STXBP5L: variants seen among roughly 807,000 people sequenced by gnomAD.
The protein encoded by STXBP5L is syntaxin binding protein 5L.
A neutral mutation model predicts 144.5 loss-of-function variants in STXBP5L; 65 were observed. The observed-to-expected ratio is 0.45, with a 90% CI of 0.37 to 0.55. The LOEUF is 0.55. Ranked by LOEUF, STXBP5L falls within the 20% of genes least tolerant of loss-of-function variation. The pLI is 0.00. For synonymous variants in STXBP5L, 505 were observed against 469.6 expected, an observed-to-expected ratio of 1.08 and a Z score of -0.97; for missense variants, 1,298 against 1,405.5, an observed-to-expected ratio of 0.92 and a Z score of 1.22.
At chr3:120,943,565 G>A (rs953582615) in intron 2 of STXBP5L, among the ~76,000 whole-genome samples, 1 of 151,624 alleles carries the variant, frequency 6.6e-6, no homozygotes, top group African/African-American at 2.4e-5. Context: ...GTTTATCATT[G>A]TTTGAATATA....
chr3:120,974,616 A>C (rs549068427), intron 3 of STXBP5L, among the ~76,000 whole-genome samples: 28 of 152,216 alleles, frequency 1.8e-4, no homozygotes, highest in African/African-American at 2.6e-4. Context: ...AAGTCCTTGC[A>C]CATGCCTATG....
At chr3:120,975,970 A>G (rs1279330647) in intron 3 of STXBP5L, among the ~76,000 whole-genome samples, 3 of 151,938 alleles carry the variant, frequency 2.0e-5, no homozygotes, top group Non-Finnish European at 4.4e-5. Context: ...GGATTTTTGC[A>G]TCAATGTTCA....
intron 5 of STXBP5L, among the ~76,000 whole-genome samples, chr3:121,059,997 T>A (rs1360745274): frequency 1.3e-5 from 2 of 152,186 alleles, no homozygotes; most frequent in African/African-American, 4.8e-5. Flanking sequence ...GGCTAGAACT[T>A]CCAATACTAT....
At chr3:120,947,683 A>G (rs1229440208) in intron 2 of STXBP5L, among the ~76,000 whole-genome samples, 2 of 151,750 alleles carry the variant, frequency 1.3e-5, no homozygotes, top group Admixed American at 1.3e-4. Flanking sequence ...AGATTTTCCT[A>G]TTCTATACAC....
intron 19 of STXBP5L, chr3:121,282,312 G>T (rs775431997): frequency 6.2e-7 from 1 of 1,611,366 alleles, no homozygotes; most frequent in Non-Finnish European, 8.5e-7. Context: ...CTGATTTAAC[G>T]AAACGGATCC....
At chr3:121,317,474 C>T (rs2043823667) in intron 19 of STXBP5L, among the ~76,000 whole-genome samples, 1 of 151,988 alleles carries the variant, frequency 6.6e-6, no homozygotes, top group South Asian at 2.1e-4. Flanking sequence ...TTGGACCTAC[C>T]ACAAGCTTAT....
chr3:120,927,525 A>G (rs570902935), intron 2 of STXBP5L, among the ~76,000 whole-genome samples: 14 of 152,300 alleles, frequency 9.2e-5, no homozygotes, highest in African/African-American at 3.4e-4. Flanking sequence ...AGGGAACCCA[A>G]AATATGGGGG....
intron 5 of STXBP5L, among the ~76,000 whole-genome samples, chr3:121,079,556 G>C (rs918957669): frequency 2.8e-4 from 42 of 152,186 alleles, no homozygotes; most frequent in African/African-American, 9.6e-4. Flanking sequence ...TTAAGTTATA[G>C]TTGATTTTAT....
chr3:121,277,086 G>C (rs552661241), intron 18 of STXBP5L, among the ~76,000 whole-genome samples: 9 of 151,850 alleles, frequency 5.9e-5, no homozygotes, highest in African/African-American at 9.7e-5. Flanking sequence ...CTATAAATTG[G>C]GTAGCTTATA....
chr3:121,006,688 C>T (rs1944339390), intron 3 of STXBP5L, among the ~76,000 whole-genome samples: 1 of 152,204 alleles, frequency 6.6e-6, no homozygotes, highest in East Asian at 1.9e-4. Flanking sequence ...GTGGCTGGTG[C>T]CAGTTTTTCC....
chr3:121,324,233 C>T (rs1314936034), intron 20 of STXBP5L, among the ~76,000 whole-genome samples: 2 of 152,102 alleles, frequency 1.3e-5, no homozygotes, highest in African/African-American at 2.4e-5. Context: ...TGGGTCAGAG[C>T]TTGGTCTTAC....
intron 3 of STXBP5L, among the ~76,000 whole-genome samples, chr3:120,976,030 G>C (rs540206563): frequency 1.9e-4 from 29 of 152,246 alleles, no homozygotes; most frequent in African/African-American, 6.7e-4. Flanking sequence ...TCTCTGTCAG[G>C]CTTTGGTATC....
rs550988945 is a variant in STXBP5L, at chr3:121,050,602, A to G, written c.470+5067A>G. Among the ~76,000 whole-genome samples, 194 of 152,322 alleles carry G rather than the reference A, an allele frequency of 1.3e-3. 2 individuals are homozygous for G. Among genetic ancestry groups the G allele is most frequent in the South Asian group, 4.3e-3 (21 of 4,830 alleles). On this transcript the variant is annotated intron_variant, in intron 5 of 26. Transcript: ENST00000471454. ...GAAGGAAGCACTAAACATGGAAAGG[A>G]ACAACCGGTACCAGCCACTGCAAAA...
chr3:121,337,061 G>A (rs1045111525), intron 20 of STXBP5L, among the ~76,000 whole-genome samples: 1 of 152,112 alleles, frequency 6.6e-6, no homozygotes, highest in African/African-American at 2.4e-5. Context: ...GAGAACACGT[G>A]GACACAGAGG....
At chr3:121,276,350 C>T (rs866352823) in intron 18 of STXBP5L, among the ~76,000 whole-genome samples, 7 of 151,602 alleles carry the variant, frequency 4.6e-5, no homozygotes, top group African/African-American at 1.2e-4. Flanking sequence ...TGTTATAAAC[C>T]GCATAATACA....
chr3:121,194,138 T>C (rs1028180448), intron 9 of STXBP5L, among the ~76,000 whole-genome samples: 1 of 152,160 alleles, frequency 6.6e-6, no homozygotes, highest in Non-Finnish European at 1.5e-5. Flanking sequence ...TGTTACGATA[T>C]TTTCATTACT....
intron 9 of STXBP5L, among the ~76,000 whole-genome samples, chr3:121,191,987 C>A (rs1045442634): frequency 6.6e-6 from 1 of 152,054 alleles, no homozygotes; most frequent in East Asian, 1.9e-4. Flanking sequence ...GGGAGATATA[C>A]CTAATGTAAA....
At chr3:121,132,627 A>C (rs2045047326) in intron 7 of STXBP5L, among the ~76,000 whole-genome samples, 1 of 152,182 alleles carries the variant, frequency 6.6e-6, no homozygotes, top group Admixed American at 6.6e-5. Flanking sequence ...AGAATCAGAC[A>C]AAAATATTTA....
rs2043916214 is a variant in STXBP5L at position 121,110,257 on chromosome 3, A to T, written c.471-4668A>T. Among the ~76,000 whole-genome samples the T allele has an allele frequency of 2.0e-5, 3 of 152,198 alleles. No individual in the cohort carries two copies. The South Asian group carries it at 6.2e-4, about 32-fold the overall frequency. ...AATTTGATCCAGTCATCATGATGCCAACTGGTTATTTTGCAGACTTGTTGA... is the reference window on the plus strand; with the variant it reads ...AATTTGATCCAGTCATCATGATGCCTACTGGTTATTTTGCAGACTTGTTGA... On this transcript the variant is annotated intron_variant, in intron 5 of 26. Coordinates refer to ENST00000471454, the MANE Select transcript of STXBP5L (RefSeq NM_001308330.2).
Sources: gnomAD v4.1 joint callset for allele counts (sites outside exome capture counted in the v4.1 genomes callset) on GRCh38, gnomAD v4.1.1 for gene constraint, MANE v1.5 for transcripts, NCBI Gene and HGNC (gene_info 2026-07-23, HGNC 2026-07-21) for gene names.